The following GSTO1 variants were observed in gnomAD, a reference collection of about 807,000 sequenced individuals.
GSTO1 encodes glutathione S-transferase omega-1.
GSTO1 carries 27 observed loss-of-function variants against 23.8 expected under a neutral mutation model. The ratio of observed to expected loss-of-function variants is 1.13; its 90% CI spans 0.83 to 1.56. The LOEUF (loss-of-function observed/expected upper bound fraction) is 1.56, where lower values mean the gene tolerates loss of function less well. Ranked by LOEUF, GSTO1 falls within the 40% of genes most tolerant of loss-of-function variation. The pLI is 0.00. For missense variants in GSTO1, 255 were observed against 285.8 expected, an observed-to-expected ratio of 0.89 and a Z score of 0.78; for synonymous variants, 105 against 109.3, an observed-to-expected ratio of 0.96 and a Z score of 0.25.
At position 104,259,557 on chromosome 10, in the gene GSTO1, TCTC is replaced by T; in HGVS notation, c.144-16_144-14del. 1 of 1,474,002 alleles carries T rather than the reference TCTC, an allele frequency of 6.8e-7. No individual in the cohort carries two copies. The highest frequency in any genetic ancestry group is 9.5e-7 in the Non-Finnish European group (1 of 1,054,286). 91.3% of individuals were successfully genotyped at this position (1,474,002 alleles called of 1,614,324 possible). A position where few individuals can be genotyped will look rare whatever the true frequency, so the allele number is the denominator to read the frequency against. Reference sequence around the variant, plus strand: ...AAAAGTTGTTTCCTTCTCTTCATAGTCTCCTATGTGTCTTTCAGGCATGAAGTC... The same window carrying T: ...AAAAGTTGTTTCCTTCTCTTCATAGTCTATGTGTCTTTCAGGCATGAAGTC... On this transcript the variant is annotated splice_polypyrimidine_tract_variant and intron_variant, in intron 2 of 5. Transcript: ENST00000369713.
rs2091596264 is a variant in GSTO1 at position 104,255,168 on chromosome 10, G to A, written c.40G>A (p.Ala14Thr). 6.2e-7 allele frequency: 1 copy of A among 1,612,368 alleles called. No homozygotes were observed. Among genetic ancestry groups the A allele is most frequent in the Non-Finnish European group, 8.5e-7 (1 of 1,178,666 alleles). ...ESARSLGKGSAPPGPVPEGSI... is the reference protein window; with the variant it reads ...ESARSLGKGSTPPGPVPEGSI... ...CCTTCGCTTCTCCCCGGCAGGAAGC[G>A]CGCCCCCGGGGCCGGTCCCGGAGGG... Residue 14 changes from alanine (A) to threonine (T), a missense_variant, in exon 2 of 6, where the codon GCG becomes ACG. Coordinates refer to ENST00000369713, the MANE Select transcript of GSTO1 (RefSeq NM_004832.3).
intron 2 of GSTO1, among the ~76,000 whole-genome samples, 193 bp from the exon 3 acceptor site, chr10:104,259,383 A>C (rs2011116988): frequency 6.6e-6 from 1 of 152,234 alleles, no homozygotes; most frequent in Non-Finnish European, 1.5e-5. Context: ...AAAGACAAAT[A>C]CTGCATGATT....
chr10:104,267,282 G>C lies in GSTO1; in HGVS notation c.603G>C (p.Leu201=), dbSNP rs2011204277. 6.2e-7 allele frequency: 1 copy of C among 1,613,534 alleles called. No homozygotes were observed. The highest frequency in any genetic ancestry group is 8.5e-7 in the Non-Finnish European group (1 of 1,179,658). The part of the protein sequence containing the change: ...ECVDHTPKLK[L]WMAAMKEDPT... ...TAGACCACACTCCAAAACTGAAACT[G>C]TGGATGGCAGCCATGAAGGAAGATC... The change falls in exon 6 of 6, where the codon CTG becomes CTC. Residue 201 remains leucine, a synonymous_variant. Coordinates refer to ENST00000369713, the MANE Select transcript of GSTO1 (RefSeq NM_004832.3).
At position 104,259,585 on chromosome 10, in the gene GSTO1, C is replaced by G; in HGVS notation, c.153C>G (p.Val51=). The G allele has an allele frequency of 6.2e-7, 1 of 1,600,352 alleles. No individual in the cohort carries two copies. ...VLKAKGIRHE[V]ININLKNKPE... ...CCTATGTGTCTTTCAGGCATGAAGT[C>G]ATCAATATCAACCTGAAAAATAAGC... is the stretch of plus-strand genomic sequence containing the variant. Residue 51 remains valine (V), a synonymous_variant, in exon 3 of 6, where the codon GTC becomes GTG. Coordinates refer to ENST00000369713, the MANE Select transcript of GSTO1 (RefSeq NM_004832.3).
chr10:104,255,325 C>T, intron 2 of GSTO1, 54 bp downstream of exon 2: 1 of 1,222,168 alleles, frequency 8.2e-7, no homozygotes, highest in Non-Finnish European at 1.2e-6. Flanking sequence ...CTGCTGCAGG[C>T]GGCGGGGTGG....
intron 3 of GSTO1, among the ~76,000 whole-genome samples, chr10:104,261,380 C>T (rs993136034): frequency 2.6e-5 from 4 of 152,196 alleles, no homozygotes; most frequent in African/African-American, 7.2e-5. Context: ...TATGACCCTG[C>T]TCTCCTGGCC....
chr10:104,263,078 G>GT lies in GSTO1; in HGVS notation c.465+2dup, dbSNP rs753659677. On this transcript the variant is annotated splice_donor_variant, in intron 4 of 5. Transcript: ENST00000369713. LOFTEE classifies it high-confidence loss of function. ...TAAAGAATTTACCAAGCTAGAGGAG[G>GT]TAATTATTTCTCCTAGCTATCATCA... 5.1e-5 allele frequency: 61 copies of GT among 1,202,958 alleles called. No homozygotes were observed. Among genetic ancestry groups the GT allele is most frequent in the Non-Finnish European group, 6.5e-5 (53 of 815,312 alleles). The allele number at this position is 1,202,958 out of a possible 1,614,324, so 74.5% of individuals were successfully genotyped here.
chr10:104,255,006 C>A, intron 1 of GSTO1, 44 bp downstream of exon 1: 17 of 1,576,302 alleles, frequency 1.1e-5, no homozygotes, highest in Non-Finnish European at 1.4e-5. Context: ...TCGGCGACCC[C>A]CGGCGGCATG....
At chr10:104,258,098 G>A (rs543162049) in intron 2 of GSTO1, among the ~76,000 whole-genome samples, 2 of 152,264 alleles carry the variant, frequency 1.3e-5, no homozygotes, top group East Asian at 3.9e-4. Context: ...AATGAAGAAA[G>A]TAAAACATGA....
At chr10:104,254,808 G>A (rs1340315431), upstream of GSTO1, 3 of 957,468 alleles carry the variant, frequency 3.1e-6, no homozygotes, top group East Asian at 2.6e-5. Flanking sequence ...GGCGGCCGCC[G>A]GGGGCAGGCA....
intron 4 of GSTO1, among the ~76,000 whole-genome samples, 156 bp downstream of exon 4, chr10:104,263,233 TA>T (rs1246964236): frequency 1.7e-4 from 26 of 152,218 alleles, no homozygotes; most frequent in Non-Finnish European, 3.8e-4. Context: ...ACTGCTGTTA[TA>T]AAGCAGAAAG....
intron 4 of GSTO1, 32 bp from the exon 5 acceptor site, chr10:104,266,048 CAAGT>C (rs2011178136): frequency 9.1e-7 from 1 of 1,097,094 alleles, no homozygotes; most frequent in Non-Finnish European, 1.4e-6. Flanking sequence ...ACTACATGCA[CAAGT>C]AAGAAATACT....
intron 2 of GSTO1, among the ~76,000 whole-genome samples, chr10:104,257,741 T>C (rs557483530): frequency 2.6e-5 from 4 of 152,346 alleles, no homozygotes; most frequent in African/African-American, 4.8e-5. Flanking sequence ...GGTTCTCATA[T>C]AGTGGATAGT....
At chr10:104,255,047 G>T (rs1209333647) in intron 1 of GSTO1, 85 bp downstream of exon 1, 11 of 1,475,506 alleles carry the variant, frequency 7.5e-6, no homozygotes, top group Non-Finnish European at 9.3e-6. Context: ...CCAGCCGCCC[G>T]GGAGCGCCCC....
chr10:104,266,361 C>T (rs1054935405), intron 5 of GSTO1, among the ~76,000 whole-genome samples, 171 bp downstream of exon 5: 8 of 152,230 alleles, frequency 5.3e-5, no homozygotes, highest in African/African-American at 1.9e-4. Context: ...ACACTAACTA[C>T]TCTCCATCAC....
At chr10:104,262,840 A>G (rs555588810) in intron 3 of GSTO1, 139 bp from the exon 4 acceptor site, 105 of 500,122 alleles carry the variant, frequency 2.1e-4, no homozygotes, top group African/African-American at 1.9e-3. Context: ...TACCTCTGTG[A>G]GCGCAGGAAC....
At chr10:104,265,595 C>T (rs914108991) in intron 4 of GSTO1, among the ~76,000 whole-genome samples, 16 of 152,210 alleles carry the variant, frequency 1.1e-4, no homozygotes, top group Non-Finnish European at 2.1e-4. Context: ...CCCTTGCCAA[C>T]TTCATTTTGT....
intron 2 of GSTO1, among the ~76,000 whole-genome samples, chr10:104,258,569 C>T (rs2011112241): frequency 1.3e-5 from 2 of 152,176 alleles, no homozygotes; most frequent in Non-Finnish European, 2.9e-5. Context: ...TTAACATGGG[C>T]TAAGATCTTA....
Position 104,254,951 on chromosome 10 carries a change from G to A in GSTO1, c.23G>A (p.Ser8Asn). Reference protein sequence around the residue: MSGESARSLGKGSAPPGP... With the variant: MSGESARNLGKGSAPPGP... The stretch of plus-strand genomic sequence containing the variant: ...ACGATGTCCGGGGAGTCAGCCAGGA[G>A]CTTGGGGAAGGGTGAGGCCTGCCCG... Residue 8 changes from serine (S) to asparagine (N), a missense_variant, in exon 1 of 6, where the codon AGC becomes AAC. Physicochemically the swap from Ser to Asn is conservative, Grantham distance 46 (BLOSUM62 1). Transcript: ENST00000369713. 1.2e-6 allele frequency: 2 copies of A among 1,610,604 alleles called. No homozygotes were observed. The highest frequency in any genetic ancestry group is 1.7e-6 in the Non-Finnish European group (2 of 1,179,002).
Sources: allele counts gnomAD v4.1 joint callset (sites outside exome capture counted in the v4.1 genomes callset), GRCh38; gene constraint gnomAD v4.1.1; transcripts MANE v1.5; gene names NCBI Gene and HGNC (gene_info 2026-07-23, HGNC 2026-07-21).